The following SLC4A8 variants were observed in gnomAD, a reference collection of about 807,000 sequenced individuals.
SLC4A8 encodes solute carrier family 4 member 8, also known as electroneutral sodium bicarbonate exchanger 1.
In SLC4A8, 40 loss-of-function variants were observed where a neutral mutation model predicts 125.0. The ratio of observed to expected loss-of-function variants is 0.32; its 90% CI spans 0.25 to 0.42. The LOEUF (loss-of-function observed/expected upper bound fraction) is 0.42, where lower values mean the gene tolerates loss of function less well. Ranked by LOEUF, SLC4A8 falls within the 10% of genes least tolerant of loss-of-function variation. The pLI is 1.00. For synonymous variants in SLC4A8, 456 were observed against 476.0 expected (o/e 0.96, Z 0.55); for missense variants, 863 against 1,355.1 (o/e 0.64, Z 5.70).
chr12:51,461,279 C>T lies in SLC4A8; in HGVS notation c.1089C>T (p.Ile363=), dbSNP rs1285503943. The part of the protein sequence containing the change: ...YHEIGRSMAT[I]MTDEIFHDVA... ...AGATTGGCAGATCCATGGCCACCAT[C>T]ATGACAGATGAGGTATGTGCAACTT... The change falls in exon 9 of 25, where the codon ATC becomes ATT. Residue 363 remains isoleucine (I), a synonymous_variant. Coordinates refer to ENST00000453097, the MANE Select transcript of SLC4A8 (RefSeq NM_001039960.3). 1.2e-6 allele frequency: 2 copies of T among 1,600,412 alleles called. No homozygotes were observed. The highest frequency in any genetic ancestry group is 2.2e-5 in the South Asian group (2 of 90,800).
rs1183257810 is a variant in SLC4A8 at position 51,424,840 on chromosome 12, T to A, written c.-148T>A. On this transcript the variant is annotated 5_prime_UTR_variant, in exon 1 of 25. Transcript: ENST00000453097. ...TTGCGGCGGATGCCTCGCGGGCCGG[T>A]GGCTATGGAGGCGGCGGCGGTTGAT... 1.3e-6 allele frequency: 1 copy of A among 790,002 alleles called. No individual in the cohort carries two copies. Among genetic ancestry groups the A allele is most frequent in the Non-Finnish European group, 2.0e-6 (1 of 499,684 alleles). 48.9% of individuals were successfully genotyped at this position (790,002 alleles called of 1,614,324 possible).
intron 3 of SLC4A8, 102 bp downstream of exon 3, chr12:51,451,124 C>A: frequency 9.8e-7 from 1 of 1,024,724 alleles, no homozygotes; most frequent in Non-Finnish European, 1.3e-6. Flanking sequence ...ATTCTTGAGC[C>A]TTTTTGTAGG....
intron 1 of SLC4A8, among the ~76,000 whole-genome samples, chr12:51,438,817 A>G (rs112367242): frequency 6.6e-6 from 1 of 152,154 alleles, no homozygotes; most frequent in Non-Finnish European, 1.5e-5. Context: ...GATAATAGCC[A>G]TCCTAACTGG....
chr12:51,457,216 T>C, intron 5 of SLC4A8, 135 bp from the exon 6 acceptor site: 1 of 548,184 alleles, frequency 1.8e-6, no homozygotes, highest in Non-Finnish European at 3.1e-6. Context: ...GACAGGAAGC[T>C]GAAATTGCAC....
At chr12:51,467,955 T>G (rs1164753160) in intron 11 of SLC4A8, among the ~76,000 whole-genome samples, 1 of 152,230 alleles carries the variant, frequency 6.6e-6, no homozygotes, top group East Asian at 1.9e-4. Context: ...TTATTAAACT[T>G]TTTATGATTG....
At chr12:51,493,990 G>T (rs532880618) in intron 20 of SLC4A8, among the ~76,000 whole-genome samples, 58 of 152,334 alleles carry the variant, frequency 3.8e-4, no homozygotes, top group African/African-American at 1.3e-3. Flanking sequence ...CTGGCTTGAT[G>T]TCATGGCTCC....
At chr12:51,478,952 A>G (rs1950939108) in intron 16 of SLC4A8, among the ~76,000 whole-genome samples, 1 of 140,978 alleles carries the variant, frequency 7.1e-6, no homozygotes, top group South Asian at 2.3e-4. Flanking sequence ...TCATCTGCAC[A>G]ATGATGTGAT....
chr12:51,483,780 G>T (rs1951092693), intron 16 of SLC4A8, among the ~76,000 whole-genome samples: 1 of 151,794 alleles, frequency 6.6e-6, no homozygotes, highest in African/African-American at 2.4e-5. Context: ...GGGTACATGT[G>T]CACAATGTGC....
intron 1 of SLC4A8, chr12:51,392,233 A>G (rs1276310100): frequency 6.6e-6 from 1 of 152,292 alleles, no homozygotes; most frequent in Non-Finnish European, 1.5e-5. Flanking sequence ...TGTTTCTCAA[A>G]GTGGGATCCC....
At chr12:51,485,942 A>C in intron 17 of SLC4A8, 42 bp downstream of exon 17, 2 of 1,097,830 alleles carry the variant, frequency 1.8e-6, no homozygotes, top group Non-Finnish European at 2.8e-6. Flanking sequence ...ATGTAATTTC[A>C]TACATTCTGA....
At chr12:51,456,899 G>A (rs1374376096) in intron 5 of SLC4A8, among the ~76,000 whole-genome samples, 1 of 152,130 alleles carries the variant, frequency 6.6e-6, no homozygotes, top group Non-Finnish European at 1.5e-5. Flanking sequence ...TACAGTTATA[G>A]TTCTTCTTGA....
chr12:51,491,248 T>C (rs1951309866), intron 19 of SLC4A8, among the ~76,000 whole-genome samples: 1 of 152,068 alleles, frequency 6.6e-6, no homozygotes, highest in African/African-American at 2.4e-5. Flanking sequence ...GGGTATAAAT[T>C]TGGGAGTCAA....
intron 22 of SLC4A8, among the ~76,000 whole-genome samples, chr12:51,499,636 C>CAA (rs1937758580): frequency 1.3e-5 from 2 of 150,868 alleles, no homozygotes; most frequent in South Asian, 4.2e-4. Flanking sequence ...CACACACACA[C>CAA]ACACACACAC....
chr12:51,420,496 A>G (rs1462398515), upstream of SLC4A8, among the ~76,000 whole-genome samples: 4 of 152,248 alleles, frequency 2.6e-5, no homozygotes, highest in African/African-American at 4.8e-5. Context: ...TAAGGATCAT[A>G]TACGTAAGGT....
intron 1 of SLC4A8, among the ~76,000 whole-genome samples, chr12:51,417,416 G>A (rs547108954): frequency 1.3e-4 from 20 of 151,828 alleles, no homozygotes; most frequent in African/African-American, 4.6e-4. Context: ...GCATGATCTT[G>A]GCTCACTGGA....
Position 51,512,335 on chromosome 12 carries a change from A to G in SLC4A8, c.*4897A>G, listed in dbSNP as rs1938394952. ...ATATGGAGACTGATGTGTGCTCCAT[A>G]TCTTGAGGGGAGCTCTCTTGGTTTC... On this transcript the variant is annotated 3_prime_UTR_variant, in exon 25 of 25. Transcript: ENST00000453097. 1 of 152,292 alleles carries G rather than the reference A, an allele frequency of 6.6e-6. No individual in the cohort carries two copies. The highest frequency in any genetic ancestry group is 3.4e-3 in the Middle Eastern group (1 of 294). 9.4% of individuals were successfully genotyped at this position (152,292 alleles called of 1,614,324 possible). A position where few individuals can be genotyped will look rare whatever the true frequency, so the allele number is the denominator to read the frequency against.
chr12:51,493,546 T>C lies in SLC4A8; in HGVS notation c.2701-158T>C, dbSNP rs538382692. On this transcript the variant is annotated intron_variant, in intron 19 of 24. Coordinates refer to ENST00000453097, the MANE Select transcript of SLC4A8 (RefSeq NM_001039960.3). Reference sequence around the variant, plus strand: ...CATTGTCAGCTTCTGCTTTTGCTTCTACTCCTAAGTCACCCACAGGCAGCA... The same window carrying C: ...CATTGTCAGCTTCTGCTTTTGCTTCCACTCCTAAGTCACCCACAGGCAGCA... Among the ~76,000 whole-genome samples, 39 of 152,342 alleles carry C rather than the reference T, an allele frequency of 2.6e-4. No homozygotes were observed. The Middle Eastern group carries it at 0.014, about 53-fold the overall frequency.
chr12:51,438,538 AC>A (rs1365947137), intron 1 of SLC4A8, among the ~76,000 whole-genome samples: 3 of 152,192 alleles, frequency 2.0e-5, no homozygotes, highest in Non-Finnish European at 4.4e-5. Flanking sequence ...GTTGTTGGAC[AC>A]CTAGGATGAT....
At chr12:51,483,047 G>A (rs1328000319) in intron 16 of SLC4A8, among the ~76,000 whole-genome samples, 1 of 152,100 alleles carries the variant, frequency 6.6e-6, no homozygotes, top group Non-Finnish European at 1.5e-5. Context: ...TCATTCTTTT[G>A]TGGTTCCCCC....
Sources: gnomAD v4.1 joint callset for allele counts (sites outside exome capture counted in the v4.1 genomes callset) on GRCh38, gnomAD v4.1.1 for gene constraint, MANE v1.5 for transcripts, NCBI Gene and HGNC (gene_info 2026-07-23, HGNC 2026-07-21) for gene names.